Variants in USP43 observed in about 807,000 individuals in gnomAD.
The protein encoded by USP43 is ubiquitin specific peptidase 43, also known as ubiquitin carboxyl-terminal hydrolase 43.
USP43 carries 33 observed loss-of-function variants against 90.7 expected under a neutral mutation model. The observed-to-expected ratio is 0.36, with a 90% confidence interval of 0.28 to 0.49. The LOEUF is 0.49. USP43 is among the 20% of genes least tolerant of loss of function. USP43 has a pLI of 0.98. For synonymous variants in USP43, 598 were observed against 615.8 expected (o/e 0.97, Z 0.43); for missense variants, 1,274 against 1,476.4 (o/e 0.86, Z 2.25).
chr17:9,690,968 T>C (rs1914908226), intron 8 of USP43, among the ~76,000 whole-genome samples: 1 of 152,214 alleles, frequency 6.6e-6, no homozygotes, highest in African/African-American at 2.4e-5. Flanking sequence ...TTCTACTTTC[T>C]ATCTGTATGA....
chr17:9,692,593 C>T (rs1915022673), intron 8 of USP43, among the ~76,000 whole-genome samples: 1 of 152,116 alleles, frequency 6.6e-6, no homozygotes, highest in Non-Finnish European at 1.5e-5. Flanking sequence ...CATTGTAAGC[C>T]TCATTTCAAT....
chr17:9,720,674 G>A (rs12952203), intron 14 of USP43, among the ~76,000 whole-genome samples: 2 of 152,052 alleles, frequency 1.3e-5, no homozygotes, highest in African/African-American at 2.4e-5. Context: ...TTTTAGTAGA[G>A]ACAGGGTTTC....
In USP43 at chr17:9,666,698, T is replaced by G. The variant is rs754678795; in HGVS notation, c.687T>G (p.Ala229=). The G allele has an allele frequency of 6.2e-7, 1 of 1,613,438 alleles. No individual in the cohort carries two copies. Among genetic ancestry groups the G allele is most frequent in the East Asian group, 2.2e-5 (1 of 44,868 alleles). The part of the protein sequence containing the change: ...KTSENCLSPS[A]QLPLGQSFVQ... ...CTGAGAACTGCCTGTCACCATCAGC[T>G]CAGCTTCCTCTAGGTCAAAGCTTTG... Residue 229 remains alanine (A), a synonymous_variant, in exon 3 of 15, where the codon GCT becomes GCG. Transcript: ENST00000285199.
At chr17:9,647,114 G>A (rs1911483885) in intron 1 of USP43, 1 of 145,154 alleles carries the variant, frequency 6.9e-6, no homozygotes, top group African/African-American at 2.5e-5. Context: ...GAAGAAACCC[G>A]CAGCTCTGGG....
intron 13 of USP43, 45 bp from the exon 14 acceptor site, chr17:9,711,923 G>T (rs1182738059): frequency 1.3e-6 from 2 of 1,535,280 alleles, no homozygotes; most frequent in African/African-American, 2.8e-5. Context: ...GGACTCTGAA[G>T]TGCTGGGGTT....
In USP43 at chr17:9,712,083, G is replaced by A. The variant is rs1916232207; in HGVS notation, c.2286G>A (p.Gln762=). ...WSSAPCPSLP[Q]VPDSPIFTNS... is the part of the protein sequence containing the mutation. ...CTGCCCCCTGCCCCTCCCTGCCCCA[G>A]GTTCCTGACTCTCCCATCTTCACCA... The change falls in exon 14 of 15, where the codon CAG becomes CAA. Residue 762 remains glutamine, a synonymous_variant. Coordinates refer to ENST00000285199, the MANE Select transcript of USP43 (RefSeq NM_153210.5). 1.2e-6 allele frequency: 2 copies of A among 1,609,982 alleles called. No individual in the cohort carries two copies. The highest frequency in any genetic ancestry group is 1.7e-6 in the Non-Finnish European group (2 of 1,177,712).
chr17:9,679,870 T>A (rs1187388872), intron 5 of USP43, among the ~76,000 whole-genome samples: 1 of 152,178 alleles, frequency 6.6e-6, no homozygotes, highest in African/African-American at 2.4e-5. Flanking sequence ...ATTTTTTTTA[T>A]GTATGCAATC....
At chr17:9,710,831 G>C (rs560712975) in intron 13 of USP43, among the ~76,000 whole-genome samples, 1 of 152,028 alleles carries the variant, frequency 6.6e-6, no homozygotes, top group East Asian at 1.9e-4. Flanking sequence ...AAACTTGCTT[G>C]GAAGTCTAGA....
intron 9 of USP43, among the ~76,000 whole-genome samples, chr17:9,696,667 A>G (rs1871199086): frequency 1.3e-5 from 2 of 152,200 alleles, no homozygotes; most frequent in African/African-American, 2.4e-5. Flanking sequence ...CAGGACCTCA[A>G]GCTAGGAACC....
chr17:9,715,047 GGT>G, intron 14 of USP43, among the ~76,000 whole-genome samples: 1 of 152,180 alleles, frequency 6.6e-6, no homozygotes, highest in Non-Finnish European at 1.5e-5. Context: ...CAGCAGGCGA[GGT>G]GACTGAAGGA....
chr17:9,694,684 G>A (rs893436619), intron 9 of USP43, among the ~76,000 whole-genome samples: 1 of 151,816 alleles, frequency 6.6e-6, no homozygotes, highest in Non-Finnish European at 1.5e-5. Flanking sequence ...GTGCAGTGGC[G>A]CCATCTCGGC....
chr17:9,699,912 C>G (rs1305169482), intron 9 of USP43, among the ~76,000 whole-genome samples: 1 of 152,158 alleles, frequency 6.6e-6, no homozygotes, highest in Non-Finnish European at 1.5e-5. Flanking sequence ...TCTATTTCCT[C>G]AAAGTAACCC....
chr17:9,688,889 A>T (rs1353223394), intron 8 of USP43, among the ~76,000 whole-genome samples: 1 of 151,594 alleles, frequency 6.6e-6, no homozygotes, highest in African/African-American at 2.4e-5. Flanking sequence ...CAGTTTCACC[A>T]TTTTGCCTAG....
chr17:9,692,177 G>A (rs2151982556), intron 8 of USP43, among the ~76,000 whole-genome samples: 1 of 152,132 alleles, frequency 6.6e-6, no homozygotes, highest in Middle Eastern at 3.4e-3. Flanking sequence ...TGGCCAACAT[G>A]GTGAAACCCC....
rs1262541332 is a variant in USP43 at position 9,682,896 on chromosome 17, C to G, written c.1179C>G (p.His393Gln). Residue 393 changes from histidine to glutamine, a missense_variant, in exon 7 of 15, where the codon CAC (histidine) becomes CAG (glutamine). His to Gln is a conservative substitution (Grantham distance 24). Transcript: ENST00000285199. ...REGQRFSLSL[H>Q]SESKVLILFC... ...GCCAGCGATTCTCCCTCTCTCTCCA[C>G]AGTGAGAGCAAGGTGCTAATCCTCT... The G allele has an allele frequency of 1.2e-6, 2 of 1,614,040 alleles. No individual in the cohort carries two copies. The highest frequency in any genetic ancestry group is 2.2e-5 in the South Asian group (2 of 91,090).
chr17:9,690,085 G>A (rs1424708485), intron 8 of USP43, among the ~76,000 whole-genome samples: 2 of 152,126 alleles, frequency 1.3e-5, no homozygotes, highest in Non-Finnish European at 2.9e-5. Flanking sequence ...CCCAGTTCCA[G>A]TTTACCCACC....
intron 6 of USP43, among the ~76,000 whole-genome samples, chr17:9,682,560 C>T (rs8069755): frequency 0.33 from 50,445 of 152,012 alleles, 9,934 homozygotes; most frequent in East Asian, 0.63. Flanking sequence ...GGGGACAGAG[C>T]GAGACTCTGT....
At chr17:9,708,248 A>AT (rs1223830891) in intron 12 of USP43, among the ~76,000 whole-genome samples, 2 of 152,158 alleles carry the variant, frequency 1.3e-5, no homozygotes, top group Non-Finnish European at 2.9e-5. Flanking sequence ...GGGAGTTTGC[A>AT]TTTTTTCCAA....
intron 14 of USP43, among the ~76,000 whole-genome samples, chr17:9,721,707 C>T (rs973425102): frequency 1.3e-5 from 2 of 150,806 alleles, no homozygotes; most frequent in African/African-American, 4.9e-5. Context: ...ATGAAACCTT[C>T]CTGTATAGCT....
Sources: allele counts gnomAD v4.1 joint callset (sites outside exome capture counted in the v4.1 genomes callset), GRCh38; gene constraint gnomAD v4.1.1; transcripts MANE v1.5; gene names NCBI Gene and HGNC (gene_info 2026-07-23, HGNC 2026-07-21).